FLVCR2: variants seen among roughly 807,000 people sequenced by gnomAD.
FLVCR2 encodes FLVCR choline and putative heme transporter 2, also known as choline/ethanolamine transporter FLVCR2.
In FLVCR2, 38 loss-of-function variants were observed where a neutral mutation model predicts 48.9. That is an observed-to-expected ratio of 0.78 (90% CI 0.60 to 1.02). The LOEUF (loss-of-function observed/expected upper bound fraction) is 1.02, where lower values mean the gene tolerates loss of function less well. FLVCR2 is among the 50% of genes least tolerant of loss of function. The probability of loss-of-function intolerance (pLI) is 0.00; values close to 1 mark genes in which losing one functional copy is unlikely to be tolerated. For missense variants in FLVCR2, 664 were observed against 663.3 expected, an observed-to-expected ratio of 1.00 and a Z score of -0.01; for synonymous variants, 255 against 257.0, an observed-to-expected ratio of 0.99 and a Z score of 0.07.
Position 75,589,805 on chromosome 14 carries a change from T to C in FLVCR2, c.669+10164T>C, listed in dbSNP as rs141359269. On this transcript the variant is annotated intron_variant, in intron 1 of 9. Coordinates refer to ENST00000238667, the MANE Select transcript of FLVCR2 (RefSeq NM_017791.3). The stretch of plus-strand genomic sequence containing the variant: ...GCCACCAAAGTTTATAGTTTGTACT[T>C]TCTAGAGAAGCAGATCAAGCCACAC... 7.6e-3 allele frequency among the ~76,000 whole-genome samples: 1,153 copies of C among 152,336 alleles called. 3 individuals carry two copies. Among genetic ancestry groups the C allele is most frequent in the Middle Eastern group, 0.037 (11 of 294 alleles).
chr14:75,619,556 G>C (rs753991969), intron 1 of FLVCR2, among the ~76,000 whole-genome samples: 5 of 152,054 alleles, frequency 3.3e-5, no homozygotes, highest in Non-Finnish European at 7.4e-5. Flanking sequence ...CTAGGAACTA[G>C]AAATAGACTC....
At chr14:75,603,631 G>C (rs1889218909) in intron 1 of FLVCR2, among the ~76,000 whole-genome samples, 1 of 152,198 alleles carries the variant, frequency 6.6e-6, no homozygotes, top group Non-Finnish European at 1.5e-5. Flanking sequence ...TGAAAAGGCA[G>C]AGGGTCTATT....
chr14:75,622,735 TA>T (rs879466452), intron 2 of FLVCR2, among the ~76,000 whole-genome samples: 53 of 144,904 alleles, frequency 3.7e-4, no homozygotes, highest in South Asian at 6.6e-4. Context: ...TCTAAATTTC[TA>T]AAAAAAAAAA....
In FLVCR2 at chr14:75,641,666, G is replaced by A. The variant is rs183288477; in HGVS notation, c.1454-177G>A. 1.2e-3 allele frequency among the ~76,000 whole-genome samples: 188 copies of A among 152,270 alleles called. 1 individual carries two copies. Among genetic ancestry groups the A allele is most frequent in the African/African-American group, 4.3e-3 (180 of 41,550 alleles). On this transcript the variant is annotated intron_variant, in intron 8 of 9. Transcript: ENST00000238667. ...TTGTTGGCTTCTGCCTGTCAGGGAC[G>A]GCAGTGATCCTCGGGCTCTCTCAAA...
At chr14:75,602,778 T>G (rs772112123) in intron 1 of FLVCR2, among the ~76,000 whole-genome samples, 2 of 152,168 alleles carry the variant, frequency 1.3e-5, no homozygotes, top group African/African-American at 4.8e-5. Context: ...ATAGTATGAA[T>G]GTACTTAACG....
intron 5 of FLVCR2, among the ~76,000 whole-genome samples, chr14:75,636,923 G>A (rs1890178998): frequency 6.6e-6 from 1 of 152,174 alleles, no homozygotes; most frequent in South Asian, 2.1e-4. Flanking sequence ...TGGGATCATC[G>A]GGCAAGACTG....
At chr14:75,597,710 C>A (rs368073266) in intron 1 of FLVCR2, among the ~76,000 whole-genome samples, 1 of 152,092 alleles carries the variant, frequency 6.6e-6, no homozygotes, top group Non-Finnish European at 1.5e-5. Flanking sequence ...GCTGGGATTA[C>A]AGGTGCCCGC....
intron 1 of FLVCR2, among the ~76,000 whole-genome samples, chr14:75,595,492 A>G (rs747141975): frequency 2.0e-5 from 3 of 152,248 alleles, no homozygotes; most frequent in Non-Finnish European, 2.9e-5. Context: ...ATTCACAGTC[A>G]TAAAGTGTGT....
chr14:75,622,981 A>G (rs896179710), intron 2 of FLVCR2, among the ~76,000 whole-genome samples: 22 of 143,642 alleles, frequency 1.5e-4, no homozygotes, highest in Admixed American at 1.5e-3. Context: ...TTATTTATTT[A>G]TTTATTTGTT....
At chr14:75,638,473 G>C (rs937682966) in intron 5 of FLVCR2, among the ~76,000 whole-genome samples, 3 of 152,122 alleles carry the variant, frequency 2.0e-5, no homozygotes, top group African/African-American at 7.2e-5. Flanking sequence ...AAAAGAAAAA[G>C]CTTTGCTGGG....
chr14:75,601,291 G>C (rs1308933427), intron 1 of FLVCR2, among the ~76,000 whole-genome samples: 9 of 152,242 alleles, frequency 5.9e-5, no homozygotes, highest in Admixed American at 5.2e-4. Context: ...GGTGTTCCTT[G>C]CCCTCATTCC....
At chr14:75,583,346 C>T (rs904673293) in intron 1 of FLVCR2, among the ~76,000 whole-genome samples, 3 of 152,136 alleles carry the variant, frequency 2.0e-5, no homozygotes, top group African/African-American at 4.8e-5. Flanking sequence ...AGTTTATAGG[C>T]TTTAAAAGGC....
chr14:75,622,615 T>A (rs1403157048), intron 2 of FLVCR2, among the ~76,000 whole-genome samples: 1 of 152,130 alleles, frequency 6.6e-6, no homozygotes, highest in Non-Finnish European at 1.5e-5. Flanking sequence ...TCAGTCCTAT[T>A]TAACAAAGAG....
At chr14:75,604,719 T>A (rs1889248452) in intron 1 of FLVCR2, among the ~76,000 whole-genome samples, 1 of 152,018 alleles carries the variant, frequency 6.6e-6, no homozygotes, top group Admixed American at 6.6e-5. Flanking sequence ...GTGGGTGCAG[T>A]GTGGACAAGC....
At chr14:75,603,178 C>T (rs1278714272) in intron 1 of FLVCR2, among the ~76,000 whole-genome samples, 2 of 152,144 alleles carry the variant, frequency 1.3e-5, no homozygotes, top group African/African-American at 2.4e-5. Context: ...GGGTCCCTGG[C>T]GAGGGCCCCA....
chr14:75,625,216 T>G (rs534095317), intron 3 of FLVCR2, among the ~76,000 whole-genome samples: 52 of 149,824 alleles, frequency 3.5e-4, no homozygotes, highest in African/African-American at 1.3e-3. Context: ...ATTAGTTAAT[T>G]AATTAATGCA....
chr14:75,624,400 A>G (rs908146946), intron 2 of FLVCR2, among the ~76,000 whole-genome samples: 4 of 152,144 alleles, frequency 2.6e-5, no homozygotes, highest in African/African-American at 9.7e-5. Context: ...AAAATAAAAA[A>G]GTGAATGGTA....
intron 1 of FLVCR2, among the ~76,000 whole-genome samples, chr14:75,611,871 A>G (rs1019038824): frequency 3.9e-5 from 6 of 152,228 alleles, no homozygotes; most frequent in Non-Finnish European, 5.9e-5. Context: ...GCTGTCTAAC[A>G]CATAGCAGAC....
intron 5 of FLVCR2, among the ~76,000 whole-genome samples, chr14:75,636,368 A>G (rs1245310523): frequency 6.6e-6 from 1 of 152,212 alleles, no homozygotes; most frequent in African/African-American, 2.4e-5. Context: ...CTTGGCTGCC[A>G]TCTCATCGCT....
Sources: allele counts gnomAD v4.1 joint callset (sites outside exome capture counted in the v4.1 genomes callset), GRCh38; gene constraint gnomAD v4.1.1; transcripts MANE v1.5; gene names NCBI Gene and HGNC (gene_info 2026-07-23, HGNC 2026-07-21).